PLXNA4: variants seen among roughly 807,000 people sequenced by gnomAD.
PLXNA4 encodes plexin-A4.
In PLXNA4, 44 loss-of-function variants were observed where a neutral mutation model predicts 191.8. That is an observed-to-expected ratio of 0.23 (90% CI 0.18 to 0.29). PLXNA4 has a LOEUF of 0.29. Ranked by LOEUF, PLXNA4 falls within the 10% of genes least tolerant of loss-of-function variation. The pLI is 1.00. For missense variants in PLXNA4, 1,800 were observed against 2,488.8 expected (o/e 0.72, Z 5.89); for synonymous variants, 1,082 against 1,009.5 (o/e 1.07, Z -1.36).
chr7:132,504,911 C>T (rs1298784417), intron 2 of PLXNA4, among the ~76,000 whole-genome samples: 2 of 152,220 alleles, frequency 1.3e-5, no homozygotes. Flanking sequence ...CCTGGCCTGG[C>T]CGATGTCGCA....
chr7:132,282,437 G>C (rs1279122474), intron 4 of PLXNA4, among the ~76,000 whole-genome samples: 2 of 151,290 alleles, frequency 1.3e-5, no homozygotes, highest in Non-Finnish European at 2.9e-5. Context: ...ATTGGGCATG[G>C]TGATGCCCTG....
chr7:132,360,755 C>T (rs1003755642), intron 3 of PLXNA4, among the ~76,000 whole-genome samples: 1 of 152,180 alleles, frequency 6.6e-6, no homozygotes, highest in African/African-American at 2.4e-5. Flanking sequence ...GAGAGAGAGA[C>T]AGTGGGTGCT....
chr7:132,412,370 A>G (rs1794493524), intron 3 of PLXNA4, among the ~76,000 whole-genome samples: 2 of 152,220 alleles, frequency 1.3e-5, no homozygotes, highest in Admixed American at 1.3e-4. Context: ...ACAACAGTCA[A>G]GAAGTCAGGT....
chr7:132,332,532 C>T (rs1802629239), intron 3 of PLXNA4, among the ~76,000 whole-genome samples: 1 of 152,100 alleles, frequency 6.6e-6, no homozygotes, highest in South Asian at 2.1e-4. Context: ...TCCTAAATCC[C>T]TCACTGGGAG....
intron 30 of PLXNA4, among the ~76,000 whole-genome samples, chr7:132,137,955 C>T (rs1584752784): frequency 6.9e-6 from 1 of 144,136 alleles, no homozygotes; most frequent in East Asian, 2.1e-4. Flanking sequence ...GGTGAGAGGA[C>T]AGATAAGAAG....
intron 2 of PLXNA4, among the ~76,000 whole-genome samples, chr7:132,636,874 G>A (rs1803619172): frequency 6.6e-6 from 1 of 152,158 alleles, no homozygotes; most frequent in Admixed American, 6.5e-5. Context: ...TTTGAATGAG[G>A]TTGCAGAGAC....
intron 4 of PLXNA4, among the ~76,000 whole-genome samples, chr7:132,266,769 C>A (rs190414655): frequency 5.9e-5 from 9 of 152,334 alleles, no homozygotes; most frequent in African/African-American, 1.9e-4. Flanking sequence ...TACTTTCCAT[C>A]CAAGGGTGCC....
intron 1 of PLXNA4, among the ~76,000 whole-genome samples, chr7:132,559,573 C>T (rs562540793): frequency 1.3e-4 from 20 of 152,278 alleles, no homozygotes; most frequent in African/African-American, 4.1e-4. Context: ...CACTACCTTC[C>T]GCAGCAGCAC....
chr7:132,226,421 G>A (rs1320148361), intron 7 of PLXNA4, among the ~76,000 whole-genome samples, 161 bp from the exon 8 acceptor site: 2 of 152,238 alleles, frequency 1.3e-5, no homozygotes, highest in Admixed American at 6.5e-5. Flanking sequence ...AACCCTGAGA[G>A]CAGCTGCAGA....
In PLXNA4 at chr7:132,351,707, C is replaced by G. The variant is rs1803494152; in HGVS notation, c.1372-53485G>C. On this transcript the variant is annotated intron_variant, in intron 3 of 31. Transcript: ENST00000321063. ...GAGTCAAGTCACATGTAGGACCCAG[C>G]CAAGGACCTAGAGTCCCTGCCACAT... Among the ~76,000 whole-genome samples the G allele has an allele frequency of 3.9e-5, 6 of 152,278 alleles. No individual in the cohort carries two copies. In the South Asian group the frequency reaches 1.2e-3, roughly 32 times the overall value.
chr7:132,569,327 G>A (rs998985724), intron 1 of PLXNA4, among the ~76,000 whole-genome samples: 3 of 152,026 alleles, frequency 2.0e-5, no homozygotes, highest in East Asian at 1.9e-4. Flanking sequence ...TTGCTTCCCC[G>A]GGATCTCACC....
intron 10 of PLXNA4, among the ~76,000 whole-genome samples, chr7:132,208,433 G>A (rs908084883): frequency 6.6e-6 from 1 of 152,220 alleles, no homozygotes; most frequent in East Asian, 1.9e-4. Context: ...GACCTGGGGG[G>A]CACCCAGACC....
At chr7:132,535,043 T>C (rs1479723333) in intron 1 of PLXNA4, among the ~76,000 whole-genome samples, 2 of 152,226 alleles carry the variant, frequency 1.3e-5, no homozygotes, top group Admixed American at 1.3e-4. Flanking sequence ...ACATAAATAA[T>C]GCAGGCACTG....
intron 2 of PLXNA4, among the ~76,000 whole-genome samples, chr7:132,640,399 A>G (rs937508625): frequency 1.3e-5 from 2 of 152,368 alleles, no homozygotes; most frequent in East Asian, 3.9e-4. Flanking sequence ...CCCTAAGCCC[A>G]ATGTGACTGT....
chr7:132,548,973 T>C (rs567340847), intron 1 of PLXNA4, among the ~76,000 whole-genome samples: 1 of 152,264 alleles, frequency 6.6e-6, no homozygotes, highest in African/African-American at 2.4e-5. Context: ...CATGACAGTT[T>C]ACAAATGCCA....
intron 2 of PLXNA4, among the ~76,000 whole-genome samples, chr7:132,639,029 C>T (rs1457758253): frequency 6.6e-6 from 1 of 152,168 alleles, no homozygotes; most frequent in African/African-American, 2.4e-5. Context: ...GCATGGTGCT[C>T]TAGGGGTTGG....
At chr7:132,414,634 A>G (rs1352468213) in intron 3 of PLXNA4, among the ~76,000 whole-genome samples, 1 of 152,180 alleles carries the variant, frequency 6.6e-6, no homozygotes, top group East Asian at 1.9e-4. Flanking sequence ...ACATCCCATA[A>G]CCACAGAAAG....
intron 3 of PLXNA4, among the ~76,000 whole-genome samples, chr7:132,372,100 C>T (rs990521304): frequency 6.6e-6 from 1 of 152,200 alleles, no homozygotes; most frequent in Admixed American, 6.5e-5. Flanking sequence ...CAGCTGTACT[C>T]AAGGTGGTCA....
intron 3 of PLXNA4, among the ~76,000 whole-genome samples, chr7:132,447,016 T>A (rs1441159427): frequency 6.6e-6 from 1 of 152,196 alleles, no homozygotes; most frequent in Non-Finnish European, 1.5e-5. Flanking sequence ...TGATTTGTTA[T>A]ATTAGAATTG....
Sources: gnomAD v4.1 joint callset for allele counts (sites outside exome capture counted in the v4.1 genomes callset) on GRCh38, gnomAD v4.1.1 for gene constraint, MANE v1.5 for transcripts, NCBI Gene and HGNC (gene_info 2026-07-23, HGNC 2026-07-21) for gene names.